The following VTI1A variants were observed in gnomAD, a reference collection of about 807,000 sequenced individuals.
VTI1A encodes the protein vesicle transport through interaction with t-SNAREs homolog 1A.
In VTI1A, 22 loss-of-function variants were observed where a neutral mutation model predicts 34.9. That is an observed-to-expected ratio of 0.63 (90% confidence interval 0.45 to 0.90). The LOEUF (loss-of-function observed/expected upper bound fraction) is 0.90, where lower values mean the gene tolerates loss of function less well. VTI1A is among the 40% of genes least tolerant of loss of function. The probability of loss-of-function intolerance (pLI) is 0.00; values close to 1 mark genes in which losing one functional copy is unlikely to be tolerated. For missense variants in VTI1A, 268 were observed against 275.6 expected (o/e 0.97, Z 0.20); for synonymous variants, 87 against 97.3 (o/e 0.89, Z 0.62).
chr10:112,578,143 G>A (rs1221410965), intron 5 of VTI1A, among the ~76,000 whole-genome samples: 3 of 152,076 alleles, frequency 2.0e-5, no homozygotes, highest in African/African-American at 7.2e-5. Flanking sequence ...ACAGCTCAGA[G>A]GAGAAGAAAC....
At chr10:112,734,715 C>T (rs888714943) in intron 7 of VTI1A, among the ~76,000 whole-genome samples, 2 of 150,554 alleles carry the variant, frequency 1.3e-5, no homozygotes, top group Non-Finnish European at 3.0e-5. Flanking sequence ...TGCAGTGGCG[C>T]GATCTCGGCT....
At chr10:112,661,506 G>C (rs1847447269) in intron 5 of VTI1A, among the ~76,000 whole-genome samples, 1 of 152,108 alleles carries the variant, frequency 6.6e-6, no homozygotes, top group African/African-American at 2.4e-5. Context: ...TTTGCCTTCA[G>C]CCTGAATTAT....
chr10:112,587,730 A>G (rs1844216016), intron 5 of VTI1A, among the ~76,000 whole-genome samples: 1 of 152,172 alleles, frequency 6.6e-6, no homozygotes, highest in African/African-American at 2.4e-5. Flanking sequence ...TTAGACTGGA[A>G]TTATAAAAAT....
At chr10:112,607,465 G>T (rs1351249526) in intron 5 of VTI1A, among the ~76,000 whole-genome samples, 1 of 152,130 alleles carries the variant, frequency 6.6e-6, no homozygotes, top group Non-Finnish European at 1.5e-5. Context: ...CAGGAGCAGA[G>T]ACTGACTTTG....
intron 7 of VTI1A, among the ~76,000 whole-genome samples, chr10:112,743,505 T>A (rs907981147): frequency 1.3e-5 from 2 of 152,174 alleles, no homozygotes; most frequent in Non-Finnish European, 2.9e-5. Context: ...AAGTCGTCAA[T>A]ATCCAGTAAC....
chr10:112,787,243 GTTC>G (rs1482990448), intron 7 of VTI1A, among the ~76,000 whole-genome samples: 2 of 152,078 alleles, frequency 1.3e-5, no homozygotes, highest in African/African-American at 2.4e-5. Flanking sequence ...AAGTAGTGAT[GTTC>G]TTCTTTCATT....
intron 5 of VTI1A, among the ~76,000 whole-genome samples, chr10:112,591,335 A>G (rs1282972988): frequency 1.3e-5 from 2 of 152,194 alleles, no homozygotes; most frequent in African/African-American, 2.4e-5. Context: ...CTTGGCTAAC[A>G]CGGTGAAACC....
chr10:112,832,860 A>C, the VTI1A span, among the ~76,000 whole-genome samples: 1 of 152,040 alleles, frequency 6.6e-6, no homozygotes, highest in Non-Finnish European at 1.5e-5. Flanking sequence ...GCCCTGCAGT[A>C]ATTCTGCTAG....
intron 5 of VTI1A, among the ~76,000 whole-genome samples, chr10:112,609,946 A>C (rs1241332837): frequency 6.6e-6 from 1 of 152,222 alleles, no homozygotes; most frequent in Non-Finnish European, 1.5e-5. Flanking sequence ...TTATTATCAC[A>C]AAATAATGGC....
chr10:112,692,660 C>T (rs759046468), intron 7 of VTI1A, among the ~76,000 whole-genome samples: 1 of 152,216 alleles, frequency 6.6e-6, no homozygotes, highest in African/African-American at 2.4e-5. Flanking sequence ...TTAGCTTTAT[C>T]GCACAGAGTA....
chr10:112,835,297 C>T, the VTI1A span, among the ~76,000 whole-genome samples: 1 of 152,182 alleles, frequency 6.6e-6, no homozygotes, highest in Non-Finnish European at 1.5e-5. Context: ...ATGGTCTCAT[C>T]TCCAGAAGAA....
intron 5 of VTI1A, among the ~76,000 whole-genome samples, chr10:112,644,737 T>A (rs886682262): frequency 6.6e-6 from 1 of 152,218 alleles, no homozygotes; most frequent in African/African-American, 2.4e-5. Flanking sequence ...ACTGCGAAAT[T>A]ACTGAGACAT....
the VTI1A span, chr10:112,831,770 C>A: frequency 6.6e-6 from 1 of 152,192 alleles, no homozygotes; most frequent in African/African-American, 2.4e-5. Flanking sequence ...GATTTCATAG[C>A]AATTCTGCCT....
intron 5 of VTI1A, among the ~76,000 whole-genome samples, chr10:112,593,403 A>C (rs1370050272): frequency 1.3e-5 from 2 of 152,198 alleles, no homozygotes; most frequent in Non-Finnish European, 2.9e-5. Context: ...CCCCTTCCTC[A>C]GGGAGGGCTC....
intron 7 of VTI1A, among the ~76,000 whole-genome samples, chr10:112,711,803 C>T (rs941991474): frequency 3.9e-5 from 6 of 152,192 alleles, no homozygotes; most frequent in Non-Finnish European, 8.8e-5. Flanking sequence ...CTAACCAGAT[C>T]GACGCTACAG....
chr10:112,664,421 A>G (rs1005543938), intron 5 of VTI1A, among the ~76,000 whole-genome samples: 80 of 152,270 alleles, frequency 5.3e-4, no homozygotes, highest in African/African-American at 1.9e-3. Flanking sequence ...TGTTAGTCCT[A>G]TGTTAGACTT....
At chr10:112,479,268 G>A (rs1326448948) in intron 3 of VTI1A, among the ~76,000 whole-genome samples, 2 of 151,610 alleles carry the variant, frequency 1.3e-5, no homozygotes, top group East Asian at 1.9e-4. Flanking sequence ...TCTGTAGTAC[G>A]GGGCTTTAGG....
intron 3 of VTI1A, among the ~76,000 whole-genome samples, chr10:112,465,359 T>C (rs1268777680): frequency 1.3e-5 from 2 of 152,178 alleles, no homozygotes; most frequent in African/African-American, 2.4e-5. Flanking sequence ...CTCCTGAGTA[T>C]ATGTCCAAAA....
At chr10:112,843,697 G>C in the VTI1A span, among the ~76,000 whole-genome samples, 1 of 152,174 alleles carries the variant, frequency 6.6e-6, no homozygotes, top group Admixed American at 6.5e-5. Context: ...TGAGGAAGCC[G>C]TGGGGGTCTC....
Sources: allele counts gnomAD v4.1 joint callset (sites outside exome capture counted in the v4.1 genomes callset), GRCh38; gene constraint gnomAD v4.1.1; transcripts MANE v1.5; gene names NCBI Gene and HGNC (gene_info 2026-07-23, HGNC 2026-07-21).